The following TRUB1 variants were observed in gnomAD, a reference collection of about 807,000 sequenced individuals.
TRUB1 encodes the protein TruB pseudouridine synthase family member 1.
A neutral mutation model predicts 33.9 loss-of-function variants in TRUB1; 23 were observed. The ratio of observed to expected loss-of-function variants is 0.68; its 90% confidence interval spans 0.49 to 0.96. The LOEUF (loss-of-function observed/expected upper bound fraction) is 0.96, where lower values mean the gene tolerates loss of function less well. Ranked by LOEUF, TRUB1 falls within the 40% of genes least tolerant of loss-of-function variation. TRUB1 has a pLI of 0.00. For synonymous variants in TRUB1, 163 were observed against 165.4 expected (o/e 0.99, Z 0.11); for missense variants, 378 against 422.2 (o/e 0.90, Z 0.92).
chr10:114,972,200 A>T lies in TRUB1; in HGVS notation c.662A>T (p.Glu221Val), dbSNP rs769529870. ...STLMKRGEVVEAKPARPVTVY... is the reference protein window; with the variant it reads ...STLMKRGEVVVAKPARPVTVY... ...TTGATGAAGAGAGGTGAAGTCGTAG[A>T]AGCAAAACCTGCCAGGCCAGTGACT... The change falls in exon 6 of 8, where the codon GAA becomes GTA. Residue 221 changes from glutamate to valine, a missense_variant. Transcript: ENST00000298746. 11 of 1,613,808 alleles carry T rather than the reference A, an allele frequency of 6.8e-6. No individual in the cohort carries two copies. The Admixed American group carries it at 1.8e-4, about 27-fold the overall frequency.
intron 1 of TRUB1, 152 bp from the exon 2 acceptor site, chr10:114,942,493 T>C: frequency 2.0e-6 from 1 of 497,390 alleles, no homozygotes; most frequent in Non-Finnish European, 3.6e-6. Flanking sequence ...TTTTCTTTGC[T>C]AGTAATGAGG....
intron 2 of TRUB1, among the ~76,000 whole-genome samples, chr10:114,947,687 A>T (rs988173220): frequency 6.6e-6 from 1 of 152,194 alleles, no homozygotes; most frequent in Admixed American, 6.5e-5. Context: ...CATGTTGATA[A>T]GCTCTTTGTA....
At chr10:114,960,203 A>T (rs896365365) in intron 4 of TRUB1, among the ~76,000 whole-genome samples, 8 of 152,154 alleles carry the variant, frequency 5.3e-5, no homozygotes, top group African/African-American at 1.9e-4. Context: ...TAAATGTACC[A>T]GGTTTAGTAC....
chr10:114,940,004 T>C (rs916305425), intron 1 of TRUB1, among the ~76,000 whole-genome samples: 5 of 152,228 alleles, frequency 3.3e-5, no homozygotes, highest in Non-Finnish European at 5.9e-5. Flanking sequence ...AGAGACATTC[T>C]CATTATCCTC....
intron 4 of TRUB1, among the ~76,000 whole-genome samples, chr10:114,967,068 T>C (rs1211765326): frequency 6.6e-6 from 1 of 152,228 alleles, no homozygotes; most frequent in Non-Finnish European, 1.5e-5. Flanking sequence ...TGTATGTATG[T>C]ACAGCTTAGA....
At chr10:114,941,317 G>C (rs192367021) in intron 1 of TRUB1, among the ~76,000 whole-genome samples, 96 of 151,186 alleles carry the variant, frequency 6.3e-4, no homozygotes, top group Middle Eastern at 6.8e-3. Flanking sequence ...GTACTTTCAA[G>C]TAACATTATT....
At chr10:114,940,508 C>G (rs1461595953) in intron 1 of TRUB1, among the ~76,000 whole-genome samples, 1 of 152,222 alleles carries the variant, frequency 6.6e-6, no homozygotes, top group Non-Finnish European at 1.5e-5. Context: ...CATTCCTTGT[C>G]TTTCTTTGCA....
In TRUB1 at chr10:114,974,972, A is replaced by T. The variant is rs567185543; in HGVS notation, c.794-151A>T. On this transcript the variant is annotated intron_variant, in intron 7 of 7. Transcript: ENST00000298746. ...TATTTTGCTACTTAATCATTTCTTTATCTGAGGCCTCTTGGTTCTTATATT... is the reference window on the plus strand; with the variant it reads ...TATTTTGCTACTTAATCATTTCTTTTTCTGAGGCCTCTTGGTTCTTATATT... The T allele has an allele frequency of 3.9e-5, 31 of 791,472 alleles. No homozygotes were observed. In the South Asian group the frequency reaches 6.5e-4, roughly 17 times the overall value. 49.0% of individuals were successfully genotyped at this position (791,472 alleles called of 1,614,324 possible). A position where few individuals can be genotyped will look rare whatever the true frequency, so the allele number is the denominator to read the frequency against.
At chr10:114,973,550 T>C (rs2084346207) in intron 6 of TRUB1, among the ~76,000 whole-genome samples, 1 of 152,204 alleles carries the variant, frequency 6.6e-6, no homozygotes, top group Non-Finnish European at 1.5e-5. Context: ...GCTTTATTTG[T>C]ACCAGTAAGA....
At chr10:114,944,243 C>T (rs2084202064) in intron 2 of TRUB1, among the ~76,000 whole-genome samples, 1 of 151,968 alleles carries the variant, frequency 6.6e-6, no homozygotes, top group South Asian at 2.1e-4. Flanking sequence ...TATTCAGTTT[C>T]ATTTAGAGCA....
At chr10:114,959,035 G>A (rs943295891) in intron 3 of TRUB1, among the ~76,000 whole-genome samples, 6 of 152,106 alleles carry the variant, frequency 3.9e-5, no homozygotes, top group Admixed American at 2.6e-4. Flanking sequence ...ACTCCACAGG[G>A]TGAGGCAGGA....
Position 114,938,327 on chromosome 10 carries a change from C to T in TRUB1, c.74C>T (p.Ala25Val). ...KTDTSPVLET[A>V]GTVAAMAATP... ...GACACATCCCCTGTCCTTGAAACTG[C>T]AGGAACGGTCGCAGCAATGGCTGCG... Residue 25 changes from alanine to valine, a missense_variant, in exon 1 of 8, where the codon GCA becomes GTA. Ala to Val is a moderately conservative substitution (Grantham distance 64). Transcript: ENST00000298746. 1 of 1,613,850 alleles carries T rather than the reference C, an allele frequency of 6.2e-7. No homozygotes were observed. The highest frequency in any genetic ancestry group is 2.2e-5 in the East Asian group (1 of 44,888).
intron 4 of TRUB1, among the ~76,000 whole-genome samples, chr10:114,965,669 G>A (rs2084304535): frequency 1.3e-5 from 2 of 152,204 alleles, no homozygotes; most frequent in East Asian, 3.9e-4. Flanking sequence ...AGAATTTACA[G>A]GTAGACATCT....
At chr10:114,973,823 A>G (rs2143035074) in intron 6 of TRUB1, among the ~76,000 whole-genome samples, 1 of 152,234 alleles carries the variant, frequency 6.6e-6, no homozygotes. Flanking sequence ...CCCTAAACAT[A>G]ATTCTTGTCA....
At chr10:114,969,278 C>T (rs139235873) in intron 4 of TRUB1, among the ~76,000 whole-genome samples, 6 of 151,064 alleles carry the variant, frequency 4.0e-5, no homozygotes, top group African/African-American at 1.5e-4. Flanking sequence ...CTAAAAAATA[C>T]AAAAAGTAGG....
chr10:114,975,506 A>G lies in TRUB1; in HGVS notation c.*127A>G, dbSNP rs757008642. ...TTTTTTTGCATGAAGAAAAATGTCT[A>G]TCATTTACAGTTTCAATAGCACATA... On this transcript the variant is annotated 3_prime_UTR_variant, in exon 8 of 8. Coordinates refer to ENST00000298746, the MANE Select transcript of TRUB1 (RefSeq NM_139169.5). 5 of 959,740 alleles carry G rather than the reference A, an allele frequency of 5.2e-6. No homozygotes were observed. Among genetic ancestry groups the G allele is most frequent in the African/African-American group, 1.7e-5 (1 of 60,306 alleles). 59.5% of individuals were successfully genotyped at this position (959,740 alleles called of 1,614,324 possible).
chr10:114,975,044 G>A (rs1055059465), intron 7 of TRUB1, 79 bp from the exon 8 acceptor site: 6 of 1,468,212 alleles, frequency 4.1e-6, no homozygotes, highest in Middle Eastern at 1.8e-4. Flanking sequence ...AATTGAGTAC[G>A]GTCATTTGAA....
intron 4 of TRUB1, among the ~76,000 whole-genome samples, chr10:114,968,577 G>A (rs1354802511): frequency 6.6e-6 from 1 of 152,154 alleles, no homozygotes; most frequent in Non-Finnish European, 1.5e-5. Flanking sequence ...ATCCTCATCT[G>A]TATCATGAGA....
chr10:114,951,885 T>G (rs189172449), intron 3 of TRUB1, among the ~76,000 whole-genome samples: 1 of 152,328 alleles, frequency 6.6e-6, no homozygotes, highest in East Asian at 1.9e-4. Flanking sequence ...GAATAAACTT[T>G]GTTTTAAAAC....
Sources: gnomAD v4.1 joint callset for allele counts (sites outside exome capture counted in the v4.1 genomes callset) on GRCh38, gnomAD v4.1.1 for gene constraint, MANE v1.5 for transcripts, NCBI Gene and HGNC (gene_info 2026-07-23, HGNC 2026-07-21) for gene names.